The following HEXB variants were observed in gnomAD, a reference collection of about 807,000 sequenced individuals.
HEXB encodes the protein beta-hexosaminidase subunit beta.
Under a neutral mutation model 71.2 loss-of-function variants are expected in HEXB, and 51 were observed. The ratio of observed to expected loss-of-function variants is 0.72; its 90% CI spans 0.57 to 0.90. The LOEUF (loss-of-function observed/expected upper bound fraction) is 0.90, where lower values mean the gene tolerates loss of function less well. Among genes scored for constraint, HEXB ranks in the 40% least tolerant of loss-of-function variants. The pLI is 0.00. For synonymous variants in HEXB, 266 were observed against 249.3 expected, an observed-to-expected ratio of 1.07 and a Z score of -0.63; for missense variants, 617 against 677.0, an observed-to-expected ratio of 0.91 and a Z score of 0.98.
At chr5:74,706,592 C>G (rs569510185) in intron 6 of HEXB, among the ~76,000 whole-genome samples, 4 of 152,180 alleles carry the variant, frequency 2.6e-5, no homozygotes, top group African/African-American at 9.7e-5. Flanking sequence ...CACTCCCACC[C>G]GAATACTGTG....
At chr5:74,689,641 C>A in intron 2 of HEXB, 168 bp downstream of exon 2, 1 of 662,960 alleles carries the variant, frequency 1.5e-6, no homozygotes, top group East Asian at 2.6e-5. Context: ...AGTACATAGT[C>A]TTTGTGGAAA....
chr5:74,712,170 C>G (rs935426493), intron 6 of HEXB, among the ~76,000 whole-genome samples: 4 of 147,220 alleles, frequency 2.7e-5, no homozygotes, highest in African/African-American at 5.2e-5. Context: ...TCTCAGTAAA[C>G]TATCACAAGA....
At chr5:74,668,009 C>A (rs189248145) in intron 1 of HEXB, among the ~76,000 whole-genome samples, 32 of 152,242 alleles carry the variant, frequency 2.1e-4, no homozygotes, top group Non-Finnish European at 4.4e-4. Flanking sequence ...AAATGGTTCT[C>A]AGGGGACAGA....
chr5:74,646,876 T>C (rs1210063954), intron 1 of HEXB, among the ~76,000 whole-genome samples: 1 of 152,144 alleles, frequency 6.6e-6, no homozygotes, highest in East Asian at 1.9e-4. Flanking sequence ...AACAATTCAT[T>C]CTTCATTCTC....
rs141154481 is a variant in HEXB, at chr5:74,661,011, T to TGAGA, written c.-377+20470_-377+20473dup. 6.0e-3 allele frequency among the ~76,000 whole-genome samples: 888 copies of TGAGA among 148,776 alleles called. 10 individuals are homozygous for TGAGA. The highest frequency in any genetic ancestry group is 0.017 in the African/African-American group (709 of 40,636). On this transcript the variant is annotated intron_variant, in intron 1 of 13. Transcript: ENST00000511181. Reference sequence around the variant, plus strand: ...TGGCAACAAGAAATCCATGGGTCAGTGAGAGAGAGAGAGAGAGAGATAGAG... The same window carrying TGAGA: ...TGGCAACAAGAAATCCATGGGTCAGTGAGAGAGAGAGAGAGAGAGAGAGATAGAG...
chr5:74,681,868 T>C (rs1748744400), upstream of HEXB, among the ~76,000 whole-genome samples: 1 of 152,258 alleles, frequency 6.6e-6, no homozygotes, highest in African/African-American at 2.4e-5. Context: ...TATAATGTGG[T>C]AGCAGTGATG....
chr5:74,669,079 G>C (rs144182539), intron 1 of HEXB, among the ~76,000 whole-genome samples: 62 of 152,078 alleles, frequency 4.1e-4, no homozygotes, highest in African/African-American at 1.4e-3. Context: ...CTCCTCCCTA[G>C]TAGCTGGGAT....
At chr5:74,645,437 TG>T (rs369291079) in intron 1 of HEXB, among the ~76,000 whole-genome samples, 7 of 152,222 alleles carry the variant, frequency 4.6e-5, no homozygotes, top group African/African-American at 1.7e-4. Context: ...AATTGACTTT[TG>T]TATTATGATT....
At chr5:74,688,704 T>C (rs1269535179) in intron 1 of HEXB, among the ~76,000 whole-genome samples, 1 of 152,154 alleles carries the variant, frequency 6.6e-6, no homozygotes, top group East Asian at 1.9e-4. Flanking sequence ...GGGCTTTATA[T>C]GTAAGCTAGG....
intron 1 of HEXB, among the ~76,000 whole-genome samples, chr5:74,671,870 C>T (rs570820633): frequency 6.6e-6 from 1 of 152,124 alleles, no homozygotes; most frequent in African/African-American, 2.4e-5. Flanking sequence ...CCTGGGTGTC[C>T]GATTCTGTCT....
upstream of HEXB, among the ~76,000 whole-genome samples, chr5:74,684,323 C>T (rs1748798355): frequency 6.6e-6 from 1 of 152,224 alleles, no homozygotes; most frequent in South Asian, 2.1e-4. Flanking sequence ...TGAAATCAAA[C>T]TTGTCAGTTG....
intron 1 of HEXB, among the ~76,000 whole-genome samples, chr5:74,653,223 C>T (rs1000229104): frequency 7.9e-5 from 12 of 152,088 alleles, no homozygotes; most frequent in African/African-American, 2.9e-4. Context: ...ACTCACATTA[C>T]GTCAATAATT....
At chr5:74,659,411 G>A (rs1244320313) in intron 1 of HEXB, among the ~76,000 whole-genome samples, 1 of 152,204 alleles carries the variant, frequency 6.6e-6, no homozygotes, top group African/African-American at 2.4e-5. Context: ...TCCTGGAGGA[G>A]ACAAGGCCAC....
intron 13 of HEXB, 40 bp from the exon 14 acceptor site, chr5:74,721,078 C>G: frequency 6.9e-7 from 1 of 1,457,102 alleles, no homozygotes; most frequent in Non-Finnish European, 9.6e-7. Context: ...TGATATCAAT[C>G]TAAATCAATC....
intron 1 of HEXB, among the ~76,000 whole-genome samples, chr5:74,665,425 TG>T (rs1312708231): frequency 6.6e-6 from 1 of 152,136 alleles, no homozygotes; most frequent in African/African-American, 2.4e-5. Flanking sequence ...TGTGTGTGTG[TG>T]TGTGTGTGTG....
intron 1 of HEXB, among the ~76,000 whole-genome samples, chr5:74,642,317 G>T (rs1291743128): frequency 6.6e-6 from 1 of 151,932 alleles, no homozygotes. Flanking sequence ...GAGACAGCCC[G>T]GATCAATTCA....
At chr5:74,673,337 C>T (rs1177429685) in intron 1 of HEXB, among the ~76,000 whole-genome samples, 6 of 152,176 alleles carry the variant, frequency 3.9e-5, no homozygotes, top group East Asian at 1.9e-4. Context: ...ACAAATATTT[C>T]GGGTTGCTTA....
intron 5 of HEXB, among the ~76,000 whole-genome samples, chr5:74,704,270 T>G (rs1486820843): frequency 1.3e-5 from 2 of 152,336 alleles, no homozygotes; most frequent in East Asian, 3.9e-4. Context: ...CCCTTGTATG[T>G]AAAAGATGTC....
At chr5:74,659,443 C>CA (rs1214917604) in intron 1 of HEXB, among the ~76,000 whole-genome samples, 2 of 152,164 alleles carry the variant, frequency 1.3e-5, no homozygotes, top group East Asian at 3.9e-4. Context: ...AGGGAAATTA[C>CA]AAAAATGATA....
Sources: gnomAD v4.1 joint callset for allele counts (sites outside exome capture counted in the v4.1 genomes callset) on GRCh38, gnomAD v4.1.1 for gene constraint, MANE v1.5 for transcripts, NCBI Gene and HGNC (gene_info 2026-07-23, HGNC 2026-07-21) for gene names.